Variants in WDR64 observed in about 807,000 individuals in gnomAD.
The protein encoded by WDR64 is WD repeat-containing protein 64.
Under a neutral mutation model 139.3 loss-of-function variants are expected in WDR64, and 112 were observed. The ratio of observed to expected loss-of-function variants is 0.80; its 90% CI spans 0.69 to 0.94. The LOEUF is 0.94. WDR64 is among the 40% of genes least tolerant of loss of function. The pLI is 0.00. For synonymous variants in WDR64, 444 were observed against 437.7 expected, an observed-to-expected ratio of 1.01 and a Z score of -0.18; for missense variants, 1,206 against 1,293.1, an observed-to-expected ratio of 0.93 and a Z score of 1.03.
intron 16 of WDR64, 88 bp from the exon 17 acceptor site, chr1:241,769,316 C>A: frequency 9.9e-7 from 1 of 1,006,578 alleles, no homozygotes; most frequent in Non-Finnish European, 1.5e-6. Flanking sequence ...TGAGGAATTG[C>A]CTAGCTCTGC....
At chr1:241,737,783 T>C (rs1419482741) in intron 10 of WDR64, among the ~76,000 whole-genome samples, 1 of 152,218 alleles carries the variant, frequency 6.6e-6, no homozygotes, top group African/African-American at 2.4e-5. Flanking sequence ...AGTAATTATA[T>C]AGTTATCTTT....
At chr1:241,731,869 TAATA>T (rs771468684) in intron 10 of WDR64, among the ~76,000 whole-genome samples, 6 of 152,224 alleles carry the variant, frequency 3.9e-5, no homozygotes, top group East Asian at 1.9e-4. Context: ...TGTAAGAACT[TAATA>T]AATACATTTA....
At chr1:241,787,804 A>G (rs6429313) in intron 23 of WDR64, 45 bp from the exon 24 acceptor site, 568,155 of 1,512,868 alleles carry the variant, frequency 0.38, 107,786 homozygotes, top group African/African-American at 0.46. Flanking sequence ...AACTTTGACC[A>G]AATTTTCCAG....
chr1:241,754,423 G>A lies in WDR64; in HGVS notation c.1771-2860G>A, dbSNP rs1176256438. On this transcript the variant is annotated intron_variant, in intron 14 of 27. Coordinates refer to ENST00000437684, the MANE Select transcript of WDR64 (RefSeq NM_001367482.1). Reference sequence around the variant, plus strand: ...CAATCTCTGCCTCCTGGGTTCAAGCGATTCTCCTGCCTCAGCCTCCCGAGT... The same window carrying A: ...CAATCTCTGCCTCCTGGGTTCAAGCAATTCTCCTGCCTCAGCCTCCCGAGT... Among the ~76,000 whole-genome samples, 6 of 148,382 alleles carry A rather than the reference G, an allele frequency of 4.0e-5. No homozygotes were observed. In the Admixed American group the frequency reaches 4.1e-4, roughly 10 times the overall value.
chr1:241,662,321 T>C (rs1303794131), intron 2 of WDR64, among the ~76,000 whole-genome samples: 2 of 152,152 alleles, frequency 1.3e-5, no homozygotes, highest in Non-Finnish European at 2.9e-5. Flanking sequence ...GGGTTCTCAT[T>C]TGGAAGCTCT....
At chr1:241,762,095 G>C (rs979267939) in intron 15 of WDR64, among the ~76,000 whole-genome samples, 4 of 152,134 alleles carry the variant, frequency 2.6e-5, no homozygotes, top group Non-Finnish European at 4.4e-5. Flanking sequence ...TGAGCAACCA[G>C]ATTTATCATA....
chr1:241,761,293 A>G (rs1457721865), intron 15 of WDR64, among the ~76,000 whole-genome samples: 1 of 152,330 alleles, frequency 6.6e-6, no homozygotes, highest in East Asian at 1.9e-4. Flanking sequence ...TTAAAATTAC[A>G]TGATGTAAAA....
intron 24 of WDR64, among the ~76,000 whole-genome samples, chr1:241,789,981 G>A (rs1659165177): frequency 6.6e-6 from 1 of 152,162 alleles, no homozygotes; most frequent in African/African-American, 2.4e-5. Flanking sequence ...GTCAAGCACT[G>A]GTCTTGTAAA....
intron 8 of WDR64, among the ~76,000 whole-genome samples, chr1:241,697,628 A>G (rs1306308776): frequency 6.6e-6 from 1 of 152,212 alleles, no homozygotes; most frequent in Non-Finnish European, 1.5e-5. Context: ...GTCTCTGTCG[A>G]TATGAGTAAC....
At chr1:241,749,809 C>G (rs1246182112) in intron 14 of WDR64, 87 bp downstream of exon 14, 2 of 1,408,210 alleles carry the variant, frequency 1.4e-6, no homozygotes. Context: ...CCATGTAACC[C>G]CGCTCTTGGT....
At chr1:241,771,951 T>TATATATATATATATATATATATAC (rs1658466267) in intron 19 of WDR64, among the ~76,000 whole-genome samples, 1 of 45,208 alleles carries the variant, frequency 2.2e-5, no homozygotes, top group East Asian at 3.5e-4. Context: ...CATACATATA[T>TATATATATATATATATATATATAC]ATATATATAT....
At chr1:241,791,679 A>T (rs1031660034) in intron 25 of WDR64, among the ~76,000 whole-genome samples, 1 of 152,130 alleles carries the variant, frequency 6.6e-6, no homozygotes, top group African/African-American at 2.4e-5. Context: ...CTGGGGGAAA[A>T]AAAAAAAGAA....
At chr1:241,792,508 C>A (rs992109846) in intron 25 of WDR64, among the ~76,000 whole-genome samples, 1 of 151,956 alleles carries the variant, frequency 6.6e-6, no homozygotes, top group African/African-American at 2.4e-5. Flanking sequence ...TGCACTCCAA[C>A]CTTGGCGACA....
At chr1:241,721,722 T>C (rs1435184093) in intron 9 of WDR64, among the ~76,000 whole-genome samples, 1 of 152,196 alleles carries the variant, frequency 6.6e-6, no homozygotes, top group Admixed American at 6.5e-5. Context: ...TTGTGAAATA[T>C]AAAATTTAAT....
chr1:241,675,223 T>TCCC (rs1666495089), intron 4 of WDR64, among the ~76,000 whole-genome samples: 1 of 74,510 alleles, frequency 1.3e-5, no homozygotes, highest in African/African-American at 5.9e-5. Context: ...CCCTCCCTTC[T>TCCC]TCCTTCCTCC....
rs374868637 is a variant in WDR64 at position 241,713,731 on chromosome 1, G to A, written c.1054+1850G>A. Among the ~76,000 whole-genome samples, 4 of 152,302 alleles carry A rather than the reference G, an allele frequency of 2.6e-5. No individual in the cohort carries two copies. The East Asian group carries it at 5.8e-4, about 22-fold the overall frequency. ...AAATGAAATTTGCGATTCTAGTTAG[G>A]AGACTGTTAGAGAAGACATGAGTCA... On this transcript the variant is annotated intron_variant, in intron 9 of 27. Transcript: ENST00000437684.
rs201119556 is a variant in WDR64 at position 241,679,557 on chromosome 1, A to C, written c.586A>C (p.Ile196Leu). The change falls in exon 6 of 28, where the codon ATT (isoleucine) becomes CTT (leucine). Residue 196 changes from isoleucine to leucine, a missense_variant. Ile to Leu is a conservative substitution (Grantham distance 5). Coordinates refer to ENST00000437684, the MANE Select transcript of WDR64 (RefSeq NM_001367482.1). ...KRIVATTERTIIVWDYKAQGS... is the reference protein window; with the variant it reads ...KRIVATTERTLIVWDYKAQGS... ...AATCGTAGCCACAACCGAAAGGACC[A>C]TTATTGTCTGGGATTATAAAGCTCA... is the stretch of plus-strand genomic sequence containing the variant. The C allele has an allele frequency of 1.0e-4, 161 of 1,551,856 alleles. No individual in the cohort carries two copies. The highest frequency in any genetic ancestry group is 1.3e-4 in the Non-Finnish European group (151 of 1,146,924).
intron 12 of WDR64, among the ~76,000 whole-genome samples, chr1:241,743,629 C>G (rs1669639093): frequency 1.3e-5 from 2 of 152,192 alleles, no homozygotes; most frequent in African/African-American, 4.8e-5. Flanking sequence ...TTCTGTGTTG[C>G]CAGTTCAGTG....
chr1:241,713,044 C>T (rs1266364520), intron 9 of WDR64, among the ~76,000 whole-genome samples: 7 of 151,174 alleles, frequency 4.6e-5, no homozygotes, highest in Non-Finnish European at 1.0e-4. Flanking sequence ...CAGTGGCTCG[C>T]ACCAATAATC....
Sources: gnomAD v4.1 joint callset for allele counts (sites outside exome capture counted in the v4.1 genomes callset) on GRCh38, gnomAD v4.1.1 for gene constraint, MANE v1.5 for transcripts, NCBI Gene and HGNC (gene_info 2026-07-23, HGNC 2026-07-21) for gene names.